Variants in SUCO observed in about 807,000 individuals in gnomAD.
The protein encoded by SUCO is SUN domain containing ossification factor.
A neutral mutation model predicts 148.1 loss-of-function variants in SUCO; 57 were observed. The ratio of observed to expected loss-of-function variants is 0.38; its 90% confidence interval spans 0.31 to 0.48. The LOEUF is 0.48. Ranked by LOEUF, SUCO falls within the 20% of genes least tolerant of loss-of-function variation. SUCO has a pLI of 0.96. For missense variants in SUCO, 1,331 were observed against 1,468.2 expected (o/e 0.91, Z 1.53); for synonymous variants, 470 against 502.7 (o/e 0.93, Z 0.87).
chr1:172,572,999 A>T (rs1236548116), intron 9 of SUCO, among the ~76,000 whole-genome samples: 1 of 152,140 alleles, frequency 6.6e-6, no homozygotes, highest in Non-Finnish European at 1.5e-5. Context: ...GCATCTTTCC[A>T]TGTTAATAAA....
At chr1:172,566,868 G>A (rs1323834723) in intron 6 of SUCO, among the ~76,000 whole-genome samples, 1 of 152,176 alleles carries the variant, frequency 6.6e-6, no homozygotes, top group African/African-American at 2.4e-5. Context: ...ATATGGTTCG[G>A]TGTCAGAGCC....
chr1:172,607,528 A>C (rs12739997), intron 22 of SUCO, among the ~76,000 whole-genome samples: 1 of 151,650 alleles, frequency 6.6e-6, no homozygotes, highest in East Asian at 1.9e-4. Context: ...ACCAAAGTTC[A>C]TATATTCTTG....
In SUCO at chr1:172,533,330, C is replaced by T. The variant is rs762932285; in HGVS notation, c.-106C>T. The stretch of plus-strand genomic sequence containing the variant: ...CCAGCGCCATAGCCCTTAGGACTAT[C>T]GGTCACATTCTCGCGCTCCTGCTCC... On this transcript the variant is annotated 5_prime_UTR_variant, in exon 1 of 24. Transcript: ENST00000263688. The T allele has an allele frequency of 2.6e-6, 4 of 1,551,426 alleles. No homozygotes were observed. The highest frequency in any genetic ancestry group is 1.4e-5 in the African/African-American group (1 of 73,144).
intron 3 of SUCO, among the ~76,000 whole-genome samples, chr1:172,554,132 C>T (rs1653541286): frequency 6.6e-6 from 1 of 151,814 alleles, no homozygotes. Context: ...TTGCAAGAGC[C>T]AGGGCTATTT....
intron 1 of SUCO, among the ~76,000 whole-genome samples, chr1:172,550,070 C>T (rs1653174390): frequency 1.3e-5 from 2 of 151,908 alleles, no homozygotes; most frequent in South Asian, 4.1e-4. Context: ...CAGCTATCTT[C>T]CTGGGATTTG....
intron 13 of SUCO, among the ~76,000 whole-genome samples, chr1:172,578,022 G>C (rs980844766): frequency 6.6e-6 from 1 of 151,302 alleles, no homozygotes; most frequent in Non-Finnish European, 1.5e-5. Context: ...TTGTATATTT[G>C]TTTTAACTTG....
At chr1:172,544,777 G>A (rs987910526) in intron 1 of SUCO, among the ~76,000 whole-genome samples, 4 of 152,200 alleles carry the variant, frequency 2.6e-5, no homozygotes, top group Non-Finnish European at 4.4e-5. Context: ...TTTTTAAATA[G>A]CATGTGGAGA....
intron 6 of SUCO, among the ~76,000 whole-genome samples, chr1:172,561,777 C>T (rs1463921007): frequency 6.6e-6 from 1 of 152,188 alleles, no homozygotes; most frequent in Non-Finnish European, 1.5e-5. Flanking sequence ...CTCCAAGTCC[C>T]CTGGCCACAG....
At chr1:172,542,708 T>G (rs1571178790) in intron 1 of SUCO, 1 of 985,112 alleles carries the variant, frequency 1.0e-6, no homozygotes, top group African/African-American at 1.7e-5. Flanking sequence ...TGCCAAAAGG[T>G]TGGGGACCGC....
chr1:172,566,894 A>G (rs10157501), intron 6 of SUCO, among the ~76,000 whole-genome samples: 40,627 of 152,062 alleles, frequency 0.27, 5,740 homozygotes, highest in South Asian at 0.37. Context: ...TCCGGAATCA[A>G]TTGAGTCCTG....
intron 1 of SUCO, among the ~76,000 whole-genome samples, chr1:172,539,137 G>A (rs1652249525): frequency 6.6e-6 from 1 of 152,070 alleles, no homozygotes; most frequent in African/African-American, 2.4e-5. Context: ...AGTCTGAATG[G>A]AGAAAAGAAT....
chr1:172,578,660 T>C (rs1183248990), intron 14 of SUCO: 2 of 537,078 alleles, frequency 3.7e-6, no homozygotes, highest in Non-Finnish European at 4.8e-6. Context: ...ATTATATCCC[T>C]ATGCCAGGGC....
At chr1:172,563,612 A>C (rs1654338077) in intron 6 of SUCO, among the ~76,000 whole-genome samples, 1 of 152,230 alleles carries the variant, frequency 6.6e-6, no homozygotes. Flanking sequence ...TGCATAAACA[A>C]AGAAATGGCC....
chr1:172,578,349 G>GT lies in SUCO; in HGVS notation c.1393dup (p.Tyr465LeufsTer10). 6.2e-7 allele frequency: 1 copy of GT among 1,612,722 alleles called. No individual in the cohort carries two copies. The highest frequency in any genetic ancestry group is 8.5e-7 in the Non-Finnish European group (1 of 1,178,920). On this transcript the variant is annotated frameshift_variant, in exon 14 of 24. Transcript: ENST00000263688. LOFTEE classifies it high-confidence loss of function. ...AATATGAAGAAATTGCTGATTCCCA[G>GT]TATCACTCAGAACGCCAGGAACTAT...
In SUCO at chr1:172,589,561, G is replaced by A. The variant is rs191964418; in HGVS notation, c.2460G>A (p.Leu820=). ...ACTCCATGCAAATTTTCACAAAGCT[G>A]TCTGAAACAATAGTGCCACCAATAA... The part of the protein sequence containing the change: ...DVNSMQIFTK[L]SETIVPPINT... Residue 820 remains leucine (L), a synonymous_variant, in exon 18 of 24, where the codon CTG becomes CTA. Coordinates refer to ENST00000263688, the MANE Select transcript of SUCO (RefSeq NM_014283.5). 1.2e-6 allele frequency: 2 copies of A among 1,613,756 alleles called. No homozygotes were observed. The highest frequency in any genetic ancestry group is 4.5e-5 in the East Asian group (2 of 44,858).
At chr1:172,603,153 A>G (rs1220243742) in intron 22 of SUCO, 4 of 176,406 alleles carry the variant, frequency 2.3e-5, no homozygotes, top group Non-Finnish European at 4.8e-5. Context: ...TTATACAGGT[A>G]GGACCCCTTT....
intron 19 of SUCO, among the ~76,000 whole-genome samples, chr1:172,592,774 C>G (rs1223183195): frequency 6.6e-6 from 1 of 151,988 alleles, no homozygotes; most frequent in Non-Finnish European, 1.5e-5. Flanking sequence ...TTTTTTGGTT[C>G]CTTATGAACT....
intron 22 of SUCO, 87 bp from the exon 23 acceptor site, chr1:172,608,660 A>G: frequency 1.1e-6 from 1 of 871,546 alleles, no homozygotes; most frequent in South Asian, 1.4e-5. Flanking sequence ...GGAATGAATG[A>G]TTTGTCTTAT....
At chr1:172,570,279 A>C (rs962495765) in intron 8 of SUCO, 108 bp downstream of exon 8, 1 of 607,490 alleles carries the variant, frequency 1.6e-6, no homozygotes, top group Non-Finnish European at 2.6e-6. Flanking sequence ...TATTTTCCTT[A>C]TTCACTAATA....
Sources: allele counts gnomAD v4.1 joint callset (sites outside exome capture counted in the v4.1 genomes callset), GRCh38; gene constraint gnomAD v4.1.1; transcripts MANE v1.5; gene names NCBI Gene and HGNC (gene_info 2026-07-23, HGNC 2026-07-21).